Variants in NFKB1 observed in about 807,000 individuals in gnomAD.
NFKB1 encodes nuclear factor NF-kappa-B p105 subunit.
NFKB1 carries 9 observed loss-of-function variants against 105.1 expected under a neutral mutation model. That is an observed-to-expected ratio of 0.09 (90% CI 0.05 to 0.15). The LOEUF is 0.15. Among genes scored for constraint, NFKB1 ranks in the 10% least tolerant of loss-of-function variants. NFKB1 has a pLI of 1.00. For missense variants in NFKB1, 830 were observed against 1,203.7 expected, an observed-to-expected ratio of 0.69 and a Z score of 4.59; for synonymous variants, 440 against 442.2, an observed-to-expected ratio of 1.00 and a Z score of 0.06.
intron 8 of NFKB1, among the ~76,000 whole-genome samples, chr4:102,579,661 A>G (rs1005757598): frequency 6.8e-6 from 1 of 147,482 alleles, no homozygotes; most frequent in Non-Finnish European, 1.5e-5. Flanking sequence ...ATATATATAT[A>G]TATGTATATA....
chr4:102,564,111 C>T (rs538172855), intron 5 of NFKB1, among the ~76,000 whole-genome samples: 3 of 152,060 alleles, frequency 2.0e-5, no homozygotes, highest in South Asian at 4.2e-4. Context: ...TGAGCCACCA[C>T]GCCCGGCCCG....
chr4:102,543,981 CTG>C (rs979439562), intron 5 of NFKB1, among the ~76,000 whole-genome samples: 1 of 152,112 alleles, frequency 6.6e-6, no homozygotes, highest in Non-Finnish European at 1.5e-5. Context: ...GTACATTATA[CTG>C]TGTGTTTTGT....
intron 9 of NFKB1, among the ~76,000 whole-genome samples, chr4:102,581,290 A>G (rs1725297820): frequency 6.6e-6 from 1 of 152,202 alleles, no homozygotes; most frequent in Non-Finnish European, 1.5e-5. Flanking sequence ...TGATAGTTGG[A>G]AAGTGTAGTA....
chr4:102,586,316 T>C (rs1725709477), intron 11 of NFKB1, among the ~76,000 whole-genome samples: 1 of 152,074 alleles, frequency 6.6e-6, no homozygotes, highest in African/African-American at 2.4e-5. Flanking sequence ...TGTGATGTGG[T>C]TGACTTGATG....
intron 5 of NFKB1, among the ~76,000 whole-genome samples, chr4:102,565,356 A>G (rs955606978): frequency 3.3e-5 from 5 of 152,176 alleles, no homozygotes; most frequent in African/African-American, 9.7e-5. Context: ...AGTTGACTGT[A>G]GGGGAGTCTG....
intron 5 of NFKB1, among the ~76,000 whole-genome samples, chr4:102,540,452 G>A (rs1250091524): frequency 6.6e-6 from 1 of 152,182 alleles, no homozygotes. Flanking sequence ...ATATCAAGGA[G>A]TTTAGTACTT....
chr4:102,571,617 G>C (rs1724367326), intron 6 of NFKB1, among the ~76,000 whole-genome samples: 1 of 152,104 alleles, frequency 6.6e-6, no homozygotes, highest in Non-Finnish European at 1.5e-5. Flanking sequence ...AATCTATAAA[G>C]AACTTAAATA....
chr4:102,507,371 TAGAA>T (rs1560626263), intron 1 of NFKB1, among the ~76,000 whole-genome samples: 2 of 152,188 alleles, frequency 1.3e-5, no homozygotes, highest in Admixed American at 6.5e-5. Flanking sequence ...ACGCTACTAG[TAGAA>T]ATGTATGGAC....
chr4:102,608,388 A>T (rs1185372535), intron 19 of NFKB1, among the ~76,000 whole-genome samples: 2 of 152,190 alleles, frequency 1.3e-5, no homozygotes. Flanking sequence ...ACCAGATCCC[A>T]CTTCAGGGTT....
chr4:102,502,380 G>GCC (rs1287336677), intron 1 of NFKB1, among the ~76,000 whole-genome samples: 1 of 100,766 alleles, frequency 9.9e-6, no homozygotes, highest in East Asian at 2.7e-4. Context: ...CTCCGTGCGC[G>GCC]CGCGCGCGCG....
chr4:102,535,604 T>C (rs757345106), intron 4 of NFKB1, among the ~76,000 whole-genome samples: 2 of 152,176 alleles, frequency 1.3e-5, no homozygotes, highest in African/African-American at 2.4e-5. Context: ...TGAGTGAATG[T>C]GGATTAAAGG....
chr4:102,607,579 C>A (rs1578828756), intron 18 of NFKB1, 70 bp from the exon 19 acceptor site: 1 of 1,483,268 alleles, frequency 6.7e-7, no homozygotes, highest in Non-Finnish European at 9.4e-7. Context: ...GAGCCATGCA[C>A]ACTGGGAGGT....
intron 16 of NFKB1, among the ~76,000 whole-genome samples, chr4:102,602,853 T>C (rs887377662): frequency 1.3e-5 from 2 of 152,192 alleles, no homozygotes; most frequent in Non-Finnish European, 2.9e-5. Flanking sequence ...TTTGGGGTCA[T>C]TGGTATCCGT....
chr4:102,526,502 C>CA (rs536029847), intron 2 of NFKB1, among the ~76,000 whole-genome samples: 14 of 150,974 alleles, frequency 9.3e-5, no homozygotes, highest in South Asian at 8.4e-4. Flanking sequence ...CAATTTATAC[C>CA]AAAAAAAAAT....
intron 7 of NFKB1, chr4:102,577,731 C>T: frequency 1.3e-5 from 9 of 719,914 alleles, no homozygotes; most frequent in Non-Finnish European, 1.5e-5. Context: ...GACTCAAAAC[C>T]TTCCCATCCT....
chr4:102,544,259 TA>T (rs1301745012), intron 5 of NFKB1, among the ~76,000 whole-genome samples: 3 of 152,214 alleles, frequency 2.0e-5, no homozygotes, highest in African/African-American at 7.2e-5. Flanking sequence ...ATCTATGTAA[TA>T]TTTTTTAAGA....
At chr4:102,614,176 G>T (rs1728715233) in intron 23 of NFKB1, among the ~76,000 whole-genome samples, 1 of 152,066 alleles carries the variant, frequency 6.6e-6, no homozygotes, top group African/African-American at 2.4e-5. Context: ...GAAGAAACCA[G>T]AACCCTCTCA....
At chr4:102,516,632 C>T (rs1204715038) in intron 1 of NFKB1, among the ~76,000 whole-genome samples, 1 of 151,882 alleles carries the variant, frequency 6.6e-6, no homozygotes, top group Non-Finnish European at 1.5e-5. Flanking sequence ...TATCTGTTCT[C>T]TCATTATGTT....
chr4:102,521,653 A>G (rs1472461787), intron 1 of NFKB1, among the ~76,000 whole-genome samples: 2 of 152,164 alleles, frequency 1.3e-5, no homozygotes. Context: ...TTCCCCAGTT[A>G]CAAGGACAGG....
Sources: gnomAD v4.1 joint callset for allele counts (sites outside exome capture counted in the v4.1 genomes callset) on GRCh38, gnomAD v4.1.1 for gene constraint, MANE v1.5 for transcripts, NCBI Gene and HGNC (gene_info 2026-07-23, HGNC 2026-07-21) for gene names.